The following PARD3B variants were observed in gnomAD, a reference collection of about 807,000 sequenced individuals.
The protein encoded by PARD3B is partitioning defective 3 homolog B.
A neutral mutation model predicts 130.2 loss-of-function variants in PARD3B; 103 were observed. The ratio of observed to expected loss-of-function variants is 0.79; its 90% CI spans 0.67 to 0.93. The LOEUF (loss-of-function observed/expected upper bound fraction) is 0.93. PARD3B is among the 40% of genes least tolerant of loss of function. The probability of loss-of-function intolerance (pLI) is 0.00; values close to 1 mark genes in which losing one functional copy is unlikely to be tolerated. For synonymous variants in PARD3B, 583 were observed against 553.2 expected, an observed-to-expected ratio of 1.05 and a Z score of -0.76; for missense variants, 1,609 against 1,499.2, an observed-to-expected ratio of 1.07 and a Z score of -1.21.
In PARD3B at chr2:205,104,448, A is replaced by T; in HGVS notation, c.527A>T (p.Asp176Val). The change falls in exon 5 of 23, where the codon GAC (aspartate) becomes GTC (valine). Residue 176 changes from aspartate to valine, a missense_variant. Coordinates refer to ENST00000406610, the MANE Select transcript of PARD3B (RefSeq NM_001302769.2). ...VVPDSTQNLEDREVLNGVQTE... is the reference protein window; with the variant it reads ...VVPDSTQNLEVREVLNGVQTE... ...TAGGATTCCACGCAGAACTTGGAAG[A>T]CAGAGAAGTTTTGAATGGTGTACAG... The T allele has an allele frequency of 1.2e-6, 2 of 1,601,830 alleles. No individual in the cohort carries two copies. Among genetic ancestry groups the T allele is most frequent in the Non-Finnish European group, 1.7e-6 (2 of 1,169,012 alleles).
chr2:205,172,951 A>G (rs7592846), intron 12 of PARD3B, among the ~76,000 whole-genome samples: 30,846 of 152,022 alleles, frequency 0.2, 3,662 homozygotes, highest in African/African-American at 0.32. Flanking sequence ...ATGGAGTCTA[A>G]GTGTATGATA....
chr2:205,436,073 G>T (rs2047504063), intron 19 of PARD3B, among the ~76,000 whole-genome samples: 2 of 152,178 alleles, frequency 1.3e-5, no homozygotes, highest in African/African-American at 4.8e-5. Context: ...TGCTGCCTAG[G>T]TTTCCTCATT....
intron 1 of PARD3B, among the ~76,000 whole-genome samples, chr2:204,625,746 A>G (rs764056358): frequency 1.4e-4 from 21 of 152,154 alleles, no homozygotes; most frequent in Non-Finnish European, 2.5e-4. Flanking sequence ...TTATTTATAG[A>G]TTTTTAGCTT....
chr2:204,603,243 G>A (rs1248420312), intron 1 of PARD3B, among the ~76,000 whole-genome samples: 2 of 152,066 alleles, frequency 1.3e-5, no homozygotes, highest in African/African-American at 4.8e-5. Flanking sequence ...TAAATTTGCA[G>A]TCTGTCAACC....
chr2:205,314,180 A>G (rs1009690365), intron 18 of PARD3B, among the ~76,000 whole-genome samples: 2 of 152,160 alleles, frequency 1.3e-5, no homozygotes, highest in Non-Finnish European at 2.9e-5. Flanking sequence ...TTCTTTGTTT[A>G]GTACCTTTTA....
At chr2:204,617,488 C>G (rs1426521489) in intron 1 of PARD3B, among the ~76,000 whole-genome samples, 3 of 152,108 alleles carry the variant, frequency 2.0e-5, no homozygotes, top group Non-Finnish European at 4.4e-5. Flanking sequence ...TCCACATAAG[C>G]CAAGCCAAGG....
At chr2:204,952,349 C>T (rs996716005) in intron 2 of PARD3B, among the ~76,000 whole-genome samples, 2 of 152,174 alleles carry the variant, frequency 1.3e-5, no homozygotes, top group Non-Finnish European at 2.9e-5. Context: ...CACCTGCTCT[C>T]TCTTAAGGGA....
intron 1 of PARD3B, among the ~76,000 whole-genome samples, chr2:204,566,965 G>C (rs557547347): frequency 3.3e-5 from 5 of 150,402 alleles, no homozygotes; most frequent in African/African-American, 1.2e-4. Context: ...TGCAACCTCC[G>C]CCTCCCAGGT....
chr2:205,491,315 T>C (rs2049699010), intron 20 of PARD3B, among the ~76,000 whole-genome samples: 1 of 152,224 alleles, frequency 6.6e-6, no homozygotes, highest in South Asian at 2.1e-4. Flanking sequence ...CAGTTTCAGC[T>C]TTCTCCATAT....
intron 2 of PARD3B, among the ~76,000 whole-genome samples, chr2:204,811,802 T>A (rs1173420731): frequency 1.3e-5 from 2 of 152,134 alleles, no homozygotes; most frequent in African/African-American, 4.8e-5. Flanking sequence ...CAGTCTGCTA[T>A]CATCTACATT....
intron 2 of PARD3B, among the ~76,000 whole-genome samples, chr2:204,863,413 A>G (rs904414505): frequency 2.6e-5 from 4 of 152,162 alleles, no homozygotes; most frequent in Non-Finnish European, 4.4e-5. Flanking sequence ...TTCTGGTATG[A>G]AGACAGACAG....
rs184615519 is a variant in PARD3B, at chr2:204,681,763, C to T, written c.121-4418C>T. Reference sequence around the variant, plus strand: ...TCTGTCACCTTCTCCTTCCTGGGTGCATTGTGGGGCATCTGATTCTCATTT... The same window carrying T: ...TCTGTCACCTTCTCCTTCCTGGGTGTATTGTGGGGCATCTGATTCTCATTT... On this transcript the variant is annotated intron_variant, in intron 1 of 22. Coordinates refer to ENST00000406610, the MANE Select transcript of PARD3B (RefSeq NM_001302769.2). 1.2e-4 allele frequency among the ~76,000 whole-genome samples: 19 copies of T among 152,230 alleles called. 1 individual carries two copies. In the East Asian group the frequency reaches 3.3e-3, roughly 26 times the overall value.
chr2:204,945,714 A>G (rs1689265401), intron 2 of PARD3B, among the ~76,000 whole-genome samples: 1 of 152,192 alleles, frequency 6.6e-6, no homozygotes, highest in Non-Finnish European at 1.5e-5. Context: ...TCTAACAAAC[A>G]CAAGCACAAA....
chr2:205,606,487 G>C (rs1231313973), intron 22 of PARD3B, among the ~76,000 whole-genome samples: 1 of 151,960 alleles, frequency 6.6e-6, no homozygotes, highest in Non-Finnish European at 1.5e-5. Flanking sequence ...AGCTGGTGCA[G>C]AATTCACTTG....
In PARD3B at chr2:205,589,998, G is replaced by A. The variant is rs2054327281; in HGVS notation, c.3261-25458G>A. ...CTGCAACAAAGCTTTTCTCCCCCAA[G>A]GTGGTTTCCAAAGTGAATGACCACT... On this transcript the variant is annotated intron_variant, in intron 22 of 22. Transcript: ENST00000406610. The surrounding 1 kb of genome is among the most constrained non-coding windows in gnomAD (Gnocchi z 4.1). 1.3e-5 allele frequency among the ~76,000 whole-genome samples: 2 copies of A among 152,064 alleles called. No homozygotes were observed. The highest frequency in any genetic ancestry group is 2.9e-5 in the Non-Finnish European group (2 of 68,028).
chr2:204,602,822 G>C (rs2125107002), intron 1 of PARD3B, among the ~76,000 whole-genome samples: 1 of 152,174 alleles, frequency 6.6e-6, no homozygotes, highest in Non-Finnish European at 1.5e-5. Context: ...CACTCATTTG[G>C]TCGTTTGGAT....
chr2:205,433,252 G>A (rs940441491), intron 19 of PARD3B, among the ~76,000 whole-genome samples: 4 of 152,034 alleles, frequency 2.6e-5, no homozygotes, highest in African/African-American at 9.7e-5. Context: ...TGAGATATAG[G>A]CTGGGCACGG....
chr2:204,825,892 T>G (rs924757701), intron 2 of PARD3B, among the ~76,000 whole-genome samples: 9 of 152,160 alleles, frequency 5.9e-5, no homozygotes, highest in African/African-American at 2.2e-4. Flanking sequence ...TTTTCGTTGT[T>G]TTGGTTGTTG....
At chr2:204,931,224 A>G (rs1488060281) in intron 2 of PARD3B, among the ~76,000 whole-genome samples, 1 of 152,104 alleles carries the variant, frequency 6.6e-6, no homozygotes, top group Non-Finnish European at 1.5e-5. Flanking sequence ...CACACCCAAC[A>G]CCTGTAAGCT....
Sources: gnomAD v4.1 joint callset for allele counts (sites outside exome capture counted in the v4.1 genomes callset) on GRCh38, gnomAD v4.1.1 for gene constraint, Gnocchi (gnomAD v3.1) non-coding constraint, MANE v1.5 for transcripts, NCBI Gene and HGNC (gene_info 2026-07-23, HGNC 2026-07-21) for gene names.